The following TMEM163 variants were observed in gnomAD, a reference collection of about 807,000 sequenced individuals.
TMEM163 encodes the protein transmembrane protein 163.
TMEM163 carries 17 observed loss-of-function variants against 29.3 expected under a neutral mutation model. The ratio of observed to expected loss-of-function variants is 0.58; its 90% CI spans 0.40 to 0.87. The LOEUF (loss-of-function observed/expected upper bound fraction) is 0.87. Ranked by LOEUF, TMEM163 falls within the 40% of genes least tolerant of loss-of-function variation. TMEM163 has a pLI of 0.00. For synonymous variants in TMEM163, 157 were observed against 160.6 expected, an observed-to-expected ratio of 0.98 and a Z score of 0.17; for missense variants, 303 against 381.5, an observed-to-expected ratio of 0.79 and a Z score of 1.71.
At chr2:134,594,237 GGGGAGAGAAA>G (rs1682007808) in intron 2 of TMEM163, among the ~76,000 whole-genome samples, 2 of 151,322 alleles carry the variant, frequency 1.3e-5, no homozygotes. Context: ...GGAGAGACAG[GGGGAGAGAAA>G]GGGGGAGAAA....
intron 5 of TMEM163, among the ~76,000 whole-genome samples, chr2:134,492,887 C>T (rs1299395221): frequency 2.0e-5 from 3 of 152,178 alleles, no homozygotes; most frequent in African/African-American, 7.2e-5. Context: ...CTAGTTCCTA[C>T]AGTAAATAGA....
intron 2 of TMEM163, among the ~76,000 whole-genome samples, chr2:134,606,510 C>G (rs147727902): frequency 6.6e-6 from 1 of 152,210 alleles, no homozygotes; most frequent in Admixed American, 6.5e-5. Flanking sequence ...CCTGCAGAAT[C>G]ACTCTGCCCA....
intron 2 of TMEM163, among the ~76,000 whole-genome samples, chr2:134,702,327 T>C (rs915993291): frequency 5.3e-5 from 8 of 152,134 alleles, no homozygotes; most frequent in African/African-American, 1.9e-4. Flanking sequence ...ATCACAAATA[T>C]TTTCAGAAAG....
In TMEM163 at chr2:134,502,834, C is replaced by T. The variant is rs532638629; in HGVS notation, c.555+67G>A. The T allele has an allele frequency of 7.7e-6, 11 of 1,429,874 alleles. No homozygotes were observed. The East Asian group carries it at 1.2e-4, about 15-fold the overall frequency. 88.6% of individuals were successfully genotyped at this position (1,429,874 alleles called of 1,614,324 possible). A position where few individuals can be genotyped will look rare whatever the true frequency, so the allele number is the denominator to read the frequency against. ...TGCCCGACTCCACCCGGGAACCCTG[C>T]GATAAGAGGCAGCCCAGGGGGCCAG... On this transcript the variant is annotated intron_variant, in intron 5 of 7. Coordinates refer to ENST00000281924, the MANE Select transcript of TMEM163 (RefSeq NM_030923.5).
At chr2:134,547,592 G>A (rs934153670) in intron 4 of TMEM163, among the ~76,000 whole-genome samples, 2 of 152,314 alleles carry the variant, frequency 1.3e-5, no homozygotes, top group Non-Finnish European at 2.9e-5. Context: ...CAGCTTCTCA[G>A]CTGGCAGTGA....
At chr2:134,700,909 C>CATAAATAAATAAATAA (rs746341374) in intron 2 of TMEM163, among the ~76,000 whole-genome samples, 1 of 58,706 alleles carries the variant, frequency 1.7e-5, no homozygotes, top group African/African-American at 1.6e-4. Context: ...CTCGAAAATA[C>CATAAATAAATAAATAA]ATAAATAAAT....
intron 4 of TMEM163, among the ~76,000 whole-genome samples, chr2:134,543,063 T>A (rs370131736): frequency 1.3e-5 from 2 of 152,196 alleles, no homozygotes; most frequent in East Asian, 3.9e-4. Context: ...AAGGTCACAT[T>A]CTTCCGTACT....
At chr2:134,606,542 C>A (rs1247814321) in intron 2 of TMEM163, among the ~76,000 whole-genome samples, 2 of 152,196 alleles carry the variant, frequency 1.3e-5, no homozygotes, top group African/African-American at 4.8e-5. Context: ...GAGCCATGCT[C>A]CCTGCCTCTA....
chr2:134,540,856 T>C (rs1680648487), intron 4 of TMEM163, among the ~76,000 whole-genome samples: 1 of 152,226 alleles, frequency 6.6e-6, no homozygotes, highest in Non-Finnish European at 1.5e-5. Flanking sequence ...AATTCCATAG[T>C]TAAGTCTTTC....
chr2:134,501,861 TAG>T (rs1679703617), intron 5 of TMEM163, among the ~76,000 whole-genome samples: 1 of 152,190 alleles, frequency 6.6e-6, no homozygotes, highest in Non-Finnish European at 1.5e-5. Context: ...ACTGAGATGT[TAG>T]AGAGTAAGCG....
chr2:134,493,010 G>A (rs1679463463), intron 5 of TMEM163, among the ~76,000 whole-genome samples: 1 of 152,138 alleles, frequency 6.6e-6, no homozygotes, highest in African/African-American at 2.4e-5. Flanking sequence ...TTTGGTTTTG[G>A]GGGGTTTTCA....
At chr2:134,571,240 A>G (rs1439327673) in intron 2 of TMEM163, among the ~76,000 whole-genome samples, 2 of 152,220 alleles carry the variant, frequency 1.3e-5, no homozygotes, top group African/African-American at 4.8e-5. Flanking sequence ...AGTGAACAGA[A>G]TAATGGCTGA....
At chr2:134,669,166 A>G (rs1683937155) in intron 2 of TMEM163, among the ~76,000 whole-genome samples, 1 of 152,240 alleles carries the variant, frequency 6.6e-6, no homozygotes, top group African/African-American at 2.4e-5. Context: ...TGCTGGCACT[A>G]TAAGGACCAA....
At chr2:134,718,440 C>T (rs1447830254) in intron 1 of TMEM163, among the ~76,000 whole-genome samples, 1 of 152,248 alleles carries the variant, frequency 6.6e-6, no homozygotes. Flanking sequence ...AAACTTTTCC[C>T]GTGGGCGCCG....
Position 134,670,588 on chromosome 2 carries a change from C to T in TMEM163, c.322+42612G>A, listed in dbSNP as rs1340331897. ...CATAAAAGCAAAACAGCACTGGTGA[C>T]GTTCATCAAATTCACTGAGAGCTGC... is the stretch of plus-strand genomic sequence containing the variant. On this transcript the variant is annotated intron_variant, in intron 2 of 7. Coordinates refer to ENST00000281924, the MANE Select transcript of TMEM163 (RefSeq NM_030923.5). Among the ~76,000 whole-genome samples the T allele has an allele frequency of 2.0e-5, 3 of 152,206 alleles. No individual in the cohort carries two copies. In the East Asian group the frequency reaches 5.8e-4, roughly 29 times the overall value.
chr2:134,535,036 C>A (rs572256512), intron 4 of TMEM163, among the ~76,000 whole-genome samples: 1 of 152,316 alleles, frequency 6.6e-6, no homozygotes, highest in African/African-American at 2.4e-5. Flanking sequence ...AGACACCTCA[C>A]ACCACTACTA....
At chr2:134,704,712 C>G (rs1684770727) in intron 2 of TMEM163, among the ~76,000 whole-genome samples, 2 of 152,158 alleles carry the variant, frequency 1.3e-5, no homozygotes, top group African/African-American at 4.8e-5. Context: ...GAAGGCTCCC[C>G]CACGCTCTTC....
intron 2 of TMEM163, 56 bp from the exon 3 acceptor site, chr2:134,552,147 T>A: frequency 7.0e-7 from 1 of 1,419,944 alleles, no homozygotes; most frequent in Non-Finnish European, 9.8e-7. Flanking sequence ...CATTTTTGAG[T>A]ATATTAATAC....
chr2:134,644,288 G>A (rs1462777734), intron 2 of TMEM163, among the ~76,000 whole-genome samples: 5 of 151,814 alleles, frequency 3.3e-5, no homozygotes, highest in African/African-American at 9.7e-5. Context: ...GAAAGCCAAC[G>A]GAACTAGAAC....
Sources: gnomAD v4.1 joint callset for allele counts (sites outside exome capture counted in the v4.1 genomes callset) on GRCh38, gnomAD v4.1.1 for gene constraint, MANE v1.5 for transcripts, NCBI Gene and HGNC (gene_info 2026-07-23, HGNC 2026-07-21) for gene names.